CADM2: variants seen among roughly 807,000 people sequenced by gnomAD.
The protein encoded by CADM2 is cell adhesion molecule 2, also known as immunoglobulin superfamily member 4D.
In CADM2, 12 loss-of-function variants were observed where a neutral mutation model predicts 49.8. That is an observed-to-expected ratio of 0.24 (90% CI 0.15 to 0.39). The LOEUF (loss-of-function observed/expected upper bound fraction) is 0.39. CADM2 is among the 10% of genes least tolerant of loss of function. The probability of loss-of-function intolerance (pLI) is 1.00; values close to 1 mark genes in which losing one functional copy is unlikely to be tolerated. For synonymous variants in CADM2, 214 were observed against 175.4 expected, an observed-to-expected ratio of 1.22 and a Z score of -1.74; for missense variants, 378 against 492.3, an observed-to-expected ratio of 0.77 and a Z score of 2.20.
chr3:85,013,564 C>T (rs941677183), intron 1 of CADM2, among the ~76,000 whole-genome samples: 3 of 151,520 alleles, frequency 2.0e-5, no homozygotes, highest in African/African-American at 7.3e-5. Context: ...TTTGAGGATA[C>T]TGTATTTCAT....
chr3:86,035,121 A>G (rs1431325304), intron 8 of CADM2, among the ~76,000 whole-genome samples: 1 of 152,072 alleles, frequency 6.6e-6, no homozygotes, highest in Non-Finnish European at 1.5e-5. Context: ...CATGGCATAC[A>G]AAATCATTTG....
intron 1 of CADM2, among the ~76,000 whole-genome samples, chr3:85,283,409 C>T (rs2106899423): frequency 6.6e-6 from 1 of 151,818 alleles, no homozygotes; most frequent in South Asian, 2.1e-4. Context: ...AAGCTGTCAT[C>T]ATTTAATTCT....
intron 1 of CADM2, among the ~76,000 whole-genome samples, chr3:85,531,487 T>A (rs1225388720): frequency 1.3e-5 from 2 of 152,188 alleles, no homozygotes; most frequent in Admixed American, 6.5e-5. Flanking sequence ...GTTAAAAAAG[T>A]GTAAAATAAT....
rs12631999 is a variant in CADM2, at chr3:85,628,087, C to T, written c.62-98435C>T. Among the ~76,000 whole-genome samples the T allele has an allele frequency of 1.1e-4, 16 of 152,176 alleles. No individual in the cohort carries two copies. In the East Asian group the frequency reaches 2.7e-3, roughly 26 times the overall value. ...CATCAACAGGATTCATTTGCAGCCT[C>T]CTACTGGGAGACACTTTACCTTAGC... On this transcript the variant is annotated intron_variant, in intron 1 of 9. Coordinates refer to ENST00000383699, the MANE Select transcript of CADM2 (RefSeq NM_001167675.2).
At position 85,904,988 on chromosome 3, in the gene CADM2, C is replaced by CT. The variant is rs567807712; in HGVS notation, c.530-7378dup. Among the ~76,000 whole-genome samples the CT allele has an allele frequency of 7.2e-5, 11 of 152,016 alleles. No homozygotes were observed. The East Asian group carries it at 1.2e-3, about 16-fold the overall frequency. ...ATAATGTTTAGTAATGTTATTCCCC[C>CT]TTTTTTTGTAAAATTTATATGGAAA... On this transcript the variant is annotated intron_variant, in intron 5 of 9. Coordinates refer to ENST00000383699, the MANE Select transcript of CADM2 (RefSeq NM_001167675.2).
chr3:85,922,856 C>T (rs1719315116), intron 6 of CADM2, among the ~76,000 whole-genome samples: 1 of 150,158 alleles, frequency 6.7e-6, no homozygotes, highest in Admixed American at 6.7e-5. Flanking sequence ...GAGTCTCGCT[C>T]TGTCACCCAG....
intron 8 of CADM2, among the ~76,000 whole-genome samples, chr3:86,040,373 C>G (rs1735718643): frequency 6.6e-6 from 1 of 152,062 alleles, no homozygotes; most frequent in African/African-American, 2.4e-5. Flanking sequence ...ATAACCAATG[C>G]AGAGAAGTCC....
intron 8 of CADM2, among the ~76,000 whole-genome samples, chr3:85,974,937 C>T (rs1726591870): frequency 6.6e-6 from 1 of 151,412 alleles, no homozygotes. Flanking sequence ...TATGTGTAGG[C>T]AAAATTATAA....
chr3:85,734,591 A>ATATATATACATACATATATG (rs2068057494), intron 2 of CADM2, among the ~76,000 whole-genome samples: 1 of 148,934 alleles, frequency 6.7e-6, no homozygotes, highest in Non-Finnish European at 1.5e-5. Flanking sequence ...ACACATACAC[A>ATATATATACATACATATATG]TATATATACA....
chr3:85,056,437 G>A (rs2036082925), intron 1 of CADM2, among the ~76,000 whole-genome samples: 1 of 151,998 alleles, frequency 6.6e-6, no homozygotes, highest in Non-Finnish European at 1.5e-5. Context: ...AACATTTTAA[G>A]GGTAATAGTC....
intron 1 of CADM2, among the ~76,000 whole-genome samples, chr3:85,656,324 T>G (rs1278059404): frequency 6.6e-6 from 1 of 152,094 alleles, no homozygotes; most frequent in Non-Finnish European, 1.5e-5. Flanking sequence ...AGCTTTAAAA[T>G]ATTTAAGAAA....
chr3:85,464,545 G>A (rs996656752), intron 1 of CADM2, among the ~76,000 whole-genome samples: 5 of 152,076 alleles, frequency 3.3e-5, no homozygotes, highest in African/African-American at 1.2e-4. Flanking sequence ...TAACTTTAAG[G>A]TGAGTCCATG....
intron 1 of CADM2, among the ~76,000 whole-genome samples, chr3:85,027,243 T>C (rs1208743678): frequency 2.0e-5 from 3 of 149,582 alleles, no homozygotes; most frequent in Non-Finnish European, 4.4e-5. Flanking sequence ...GCCTCCTGAG[T>C]AGTTAGGACG....
At chr3:85,575,584 A>G in intron 1 of CADM2, among the ~76,000 whole-genome samples, 1 of 152,112 alleles carries the variant, frequency 6.6e-6, no homozygotes, top group East Asian at 1.9e-4. Context: ...ATAAAATAAA[A>G]TAAATGATTG....
chr3:85,351,629 T>G (rs1049466186), intron 1 of CADM2, among the ~76,000 whole-genome samples: 7 of 152,122 alleles, frequency 4.6e-5, no homozygotes, highest in Non-Finnish European at 7.4e-5. Context: ...ATGTAAAGTT[T>G]ACTGCACAGG....
At chr3:85,114,517 C>A (rs780618988) in intron 1 of CADM2, among the ~76,000 whole-genome samples, 14 of 152,160 alleles carry the variant, frequency 9.2e-5, no homozygotes, top group Non-Finnish European at 2.1e-4. Flanking sequence ...TTAACATGCC[C>A]AGACATGGCT....
intron 1 of CADM2, among the ~76,000 whole-genome samples, chr3:85,149,487 GA>G (rs1186274528): frequency 6.6e-6 from 1 of 152,194 alleles, no homozygotes; most frequent in African/African-American, 2.4e-5. Flanking sequence ...AGCACTTTGG[GA>G]GGCTGAGGCA....
chr3:85,761,044 A>G (rs1391415452), intron 2 of CADM2, among the ~76,000 whole-genome samples: 1 of 152,098 alleles, frequency 6.6e-6, no homozygotes, highest in East Asian at 1.9e-4. Flanking sequence ...TCTTTAGTTC[A>G]ACTCTCGCTA....
chr3:85,797,659 T>C (rs1026175069), intron 2 of CADM2, among the ~76,000 whole-genome samples: 1 of 152,202 alleles, frequency 6.6e-6, no homozygotes, highest in Admixed American at 6.5e-5. Context: ...CAGTCTAACA[T>C]TGGTGGGCAT....
Sources: allele counts gnomAD v4.1 joint callset (sites outside exome capture counted in the v4.1 genomes callset), GRCh38; gene constraint gnomAD v4.1.1; transcripts MANE v1.5; gene names NCBI Gene and HGNC (gene_info 2026-07-23, HGNC 2026-07-21).